The following DCAF8L2 variants were observed in gnomAD, a reference collection of about 807,000 sequenced individuals.
DCAF8L2 encodes the protein DDB1 and CUL4 associated factor 8 like 2, also known as DDB1- and CUL4-associated factor 8-like protein 2.
For missense variants in DCAF8L2, 430 were observed against 490.7 expected, an observed-to-expected ratio of 0.88 and a Z score of 1.17; for synonymous variants, 200 against 190.9, an observed-to-expected ratio of 1.05 and a Z score of -0.39.
chrX:27,626,884 G>C (rs1032387745), intron 1 of DCAF8L2, among the ~76,000 whole-genome samples: 5 of 111,343 alleles, frequency 4.5e-5, no homozygotes, highest in African/African-American at 1.6e-4. Flanking sequence ...GCTTATAAGG[G>C]ACATAAATTT....
intron 4 of DCAF8L2, among the ~76,000 whole-genome samples, chrX:27,738,637 T>C (rs1333769367): frequency 8.9e-6 from 1 of 112,229 alleles, no homozygotes; most frequent in Non-Finnish European, 1.9e-5. Flanking sequence ...GTATCTGAAA[T>C]GTTTAGAGAA....
intron 2 of DCAF8L2, among the ~76,000 whole-genome samples, chrX:27,666,152 T>C (rs1216058237): frequency 8.9e-6 from 1 of 112,245 alleles, no homozygotes; most frequent in Non-Finnish European, 1.9e-5. Context: ...AAAACAAATA[T>C]TAAAATTGTG....
At chrX:27,527,381 G>A in the DCAF8L2 span, among the ~76,000 whole-genome samples, 2 of 112,104 alleles carry the variant, frequency 1.8e-5, no homozygotes, top group Non-Finnish European at 3.8e-5. Context: ...GAAATGTGCA[G>A]TATTGTGGGG....
the DCAF8L2 span, among the ~76,000 whole-genome samples, chrX:27,533,524 G>A: frequency 1.8e-5 from 2 of 111,698 alleles, no homozygotes; most frequent in Non-Finnish European, 3.8e-5. Context: ...TAATAAAGAA[G>A]CCAGATGCAT....
chrX:27,725,864 A>G (rs1433558715), intron 4 of DCAF8L2, among the ~76,000 whole-genome samples: 1 of 110,995 alleles, frequency 9.0e-6, no homozygotes, highest in Admixed American at 9.6e-5. Context: ...TGAAATAAAT[A>G]TATCTATAAA....
intron 3 of DCAF8L2, among the ~76,000 whole-genome samples, chrX:27,708,346 C>T (rs938588245): frequency 1.2e-4 from 13 of 111,837 alleles, no homozygotes; most frequent in Non-Finnish European, 2.3e-4. Context: ...TTAATGGCTG[C>T]ATAGTATTCT....
At chrX:27,586,823 G>A, upstream of DCAF8L2, among the ~76,000 whole-genome samples, 1 of 110,687 alleles carries the variant, frequency 9.0e-6, no homozygotes. Context: ...AGATCATGGG[G>A]AGTTTGTTTC....
At chrX:27,600,938 A>ATT (rs761736457) in intron 1 of DCAF8L2, among the ~76,000 whole-genome samples, 3 of 104,096 alleles carry the variant, frequency 2.9e-5, no homozygotes, top group African/African-American at 6.9e-5. Flanking sequence ...AGTGCTCTGG[A>ATT]TTTTTTTTTT....
the DCAF8L2 span, among the ~76,000 whole-genome samples, chrX:27,497,504 C>CTTT: frequency 3.2e-5 from 1 of 31,263 alleles, no homozygotes; most frequent in South Asian, 3.3e-3. Context: ...ATTATTCTTT[C>CTTT]TTTCTTTCCT....
At chrX:27,568,290 T>G in the DCAF8L2 span, among the ~76,000 whole-genome samples, 1 of 111,259 alleles carries the variant, frequency 9.0e-6, no homozygotes, top group Admixed American at 9.6e-5. Context: ...TGGAGACAGG[T>G]TTTTTTTCTG....
chrX:27,568,658 G>GT, the DCAF8L2 span, among the ~76,000 whole-genome samples: 76 of 93,394 alleles, frequency 8.1e-4, no homozygotes, highest in East Asian at 1.7e-3. Context: ...CTCCATTTCT[G>GT]TTTTTTTTTT....
At chrX:27,618,941 A>G (rs186599219) in intron 1 of DCAF8L2, among the ~76,000 whole-genome samples, 1 of 110,448 alleles carries the variant, frequency 9.1e-6, no homozygotes, top group Admixed American at 9.8e-5. Flanking sequence ...CAATTTTTTT[A>G]TAATTAAGCC....
At chrX:27,714,110 A>G (rs1360167777) in intron 3 of DCAF8L2, among the ~76,000 whole-genome samples, 2 of 111,508 alleles carry the variant, frequency 1.8e-5, no homozygotes, top group East Asian at 5.7e-4. Context: ...CTTGATCTTA[A>G]TTATCCTACC....
chrX:27,524,640 C>G, the DCAF8L2 span, among the ~76,000 whole-genome samples: 1 of 111,284 alleles, frequency 9.0e-6, no homozygotes, highest in Non-Finnish European at 1.9e-5. Context: ...AATTTTAGAT[C>G]TTTCCTGCTT....
intron 4 of DCAF8L2, among the ~76,000 whole-genome samples, chrX:27,718,498 G>T (rs1443375075): frequency 1.8e-5 from 2 of 111,728 alleles, no homozygotes; most frequent in Admixed American, 1.9e-4. Context: ...AGGCTGCCCA[G>T]TTACTTGGTC....
the DCAF8L2 span, among the ~76,000 whole-genome samples, chrX:27,502,378 T>A: frequency 2.0e-3 from 90 of 44,099 alleles, no homozygotes; most frequent in Non-Finnish European, 3.1e-3. Flanking sequence ...ATATATATAT[T>A]GGCTGTGCAT....
chrX:27,726,693 C>T (rs1019901962), intron 4 of DCAF8L2, among the ~76,000 whole-genome samples: 2 of 111,452 alleles, frequency 1.8e-5, no homozygotes, highest in African/African-American at 6.5e-5. Context: ...TTTTATCTGG[C>T]TTCTTTTGCT....
the DCAF8L2 span, among the ~76,000 whole-genome samples, chrX:27,514,624 C>G: frequency 4.5e-4 from 40 of 88,802 alleles, no homozygotes; most frequent in Non-Finnish European, 7.6e-4. Flanking sequence ...AGCCGAGATC[C>G]CGCCACTGCA....
At chrX:27,721,478 A>G (rs1373492188) in intron 4 of DCAF8L2, among the ~76,000 whole-genome samples, 1 of 111,906 alleles carries the variant, frequency 8.9e-6, no homozygotes, top group Non-Finnish European at 1.9e-5. Context: ...ACAAATGGAC[A>G]TAATTCACCT....
Sources: gnomAD v4.1 joint callset for allele counts (sites outside exome capture counted in the v4.1 genomes callset) on GRCh38, gnomAD v4.1.1 for gene constraint, MANE v1.5 for transcripts, NCBI Gene and HGNC (gene_info 2026-07-23, HGNC 2026-07-21) for gene names.